The following NFATC2 variants were observed in gnomAD, a reference collection of about 807,000 sequenced individuals.
NFATC2 encodes nuclear factor of activated T cells 2.
NFATC2 carries 22 observed loss-of-function variants against 87.3 expected under a neutral mutation model. That is an observed-to-expected ratio of 0.25 (90% CI 0.18 to 0.36). NFATC2 has a LOEUF of 0.36. Ranked by LOEUF, NFATC2 falls within the 10% of genes least tolerant of loss-of-function variation. The probability of loss-of-function intolerance (pLI) is 1.00; values close to 1 mark genes in which losing one functional copy is unlikely to be tolerated. For missense variants in NFATC2, 1,149 were observed against 1,259.1 expected (o/e 0.91, Z 1.32); for synonymous variants, 565 against 542.2 (o/e 1.04, Z -0.58).
chr20:51,539,535 G>A (rs568290377), intron 1 of NFATC2, among the ~76,000 whole-genome samples: 38 of 152,330 alleles, frequency 2.5e-4, no homozygotes, highest in African/African-American at 8.4e-4. Flanking sequence ...ATGGGCTGGA[G>A]TGCAGTGGCA....
At chr20:51,532,485 G>A (rs974868356) in intron 1 of NFATC2, among the ~76,000 whole-genome samples, 5 of 152,118 alleles carry the variant, frequency 3.3e-5, no homozygotes, top group Admixed American at 6.5e-5. Flanking sequence ...GACAACTGAA[G>A]ACACAGATTC....
intron 2 of NFATC2, among the ~76,000 whole-genome samples, chr20:51,518,131 G>T (rs954810309): frequency 1.3e-5 from 2 of 152,148 alleles, no homozygotes; most frequent in African/African-American, 4.8e-5. Flanking sequence ...AAGACAGTGT[G>T]AGCAACTTCT....
chr20:51,487,408 T>G (rs1163528981), intron 3 of NFATC2, among the ~76,000 whole-genome samples: 2 of 152,204 alleles, frequency 1.3e-5, no homozygotes, highest in Non-Finnish European at 2.9e-5. Flanking sequence ...GGTGATGGGT[T>G]GACAGGTGCA....
chr20:51,512,070 C>T (rs191740803), intron 3 of NFATC2, among the ~76,000 whole-genome samples: 1 of 152,232 alleles, frequency 6.6e-6, no homozygotes, highest in East Asian at 1.9e-4. Flanking sequence ...GAACACTCTC[C>T]CCCGACTAAG....
At chr20:51,436,715 AAAACAAAC>A (rs146601129) in intron 6 of NFATC2, among the ~76,000 whole-genome samples, 65,645 of 120,992 alleles carry the variant, frequency 0.54, 15,730 homozygotes, top group Non-Finnish European at 0.62. Flanking sequence ...ACTTTGTCTC[AAAACAAAC>A]AAACAAACAA....
chr20:51,407,768 C>T (rs1049902368), intron 9 of NFATC2, among the ~76,000 whole-genome samples: 5 of 152,244 alleles, frequency 3.3e-5, no homozygotes, highest in South Asian at 2.1e-4. Flanking sequence ...GGGGTCAGGA[C>T]GAGAACCGTG....
chr20:51,481,541 G>A (rs538207890), intron 3 of NFATC2, among the ~76,000 whole-genome samples: 4 of 152,276 alleles, frequency 2.6e-5, no homozygotes, highest in African/African-American at 9.6e-5. Context: ...AGTTGAAAAG[G>A]TTCCAGGAAG....
chr20:51,428,190 C>T (rs1600710600), intron 9 of NFATC2, among the ~76,000 whole-genome samples: 1 of 152,138 alleles, frequency 6.6e-6, no homozygotes, highest in East Asian at 1.9e-4. Context: ...GTCCCAGAAG[C>T]AGCTACTGCT....
intron 5 of NFATC2, among the ~76,000 whole-genome samples, chr20:51,462,320 C>T (rs1569010449): frequency 1.3e-5 from 2 of 151,454 alleles, no homozygotes; most frequent in South Asian, 4.2e-4. Flanking sequence ...ATGGCACGCA[C>T]CTGTAATCCC....
At chr20:51,425,428 C>T (rs1364936593) in intron 9 of NFATC2, among the ~76,000 whole-genome samples, 1 of 152,196 alleles carries the variant, frequency 6.6e-6, no homozygotes, top group Non-Finnish European at 1.5e-5. Context: ...TCTCCAGGTG[C>T]CCACAGCCTC....
At position 51,448,172 on chromosome 20, in the gene NFATC2, G is replaced by A. The variant is rs75106510; in HGVS notation, c.1849+6376C>T. Among the ~76,000 whole-genome samples, 1,243 of 152,308 alleles carry A rather than the reference G, an allele frequency of 8.2e-3. 21 individuals are homozygous for A. The highest frequency in any genetic ancestry group is 0.028 in the African/African-American group (1,178 of 41,568). ...GATAAATGAACAGACAGACAAGGTA[G>A]GTGATTTCAACAGCGCTAAGTGCCC... On this transcript the variant is annotated intron_variant, in intron 6 of 10. Coordinates refer to ENST00000371564, the MANE Select transcript of NFATC2 (RefSeq NM_012340.5).
At chr20:51,549,294 T>C (rs929454506) in intron 1 of NFATC2, among the ~76,000 whole-genome samples, 2 of 151,954 alleles carry the variant, frequency 1.3e-5, no homozygotes, top group Non-Finnish European at 2.9e-5. Context: ...TTGTTTGAGA[T>C]GGAGTTTTGC....
intron 9 of NFATC2, among the ~76,000 whole-genome samples, chr20:51,403,625 A>G (rs1430402797): frequency 6.6e-6 from 1 of 152,150 alleles, no homozygotes; most frequent in African/African-American, 2.4e-5. Flanking sequence ...TGCAGTCATG[A>G]AGGTGGGGCC....
At chr20:51,542,205 C>A (rs1163114999) in intron 1 of NFATC2, among the ~76,000 whole-genome samples, 165 bp downstream of exon 1, 1 of 152,138 alleles carries the variant, frequency 6.6e-6, no homozygotes, top group Non-Finnish European at 1.5e-5. Context: ...CTAAGGGTGG[C>A]AGGGGCCACT....
intron 2 of NFATC2, among the ~76,000 whole-genome samples, chr20:51,522,263 G>T (rs1428419276): frequency 7.2e-6 from 1 of 138,584 alleles, no homozygotes; most frequent in Non-Finnish European, 1.6e-5. Flanking sequence ...GACCACAAAG[G>T]TGCTCAGTAC....
At chr20:51,479,812 G>A (rs1641373867) in intron 3 of NFATC2, among the ~76,000 whole-genome samples, 1 of 152,170 alleles carries the variant, frequency 6.6e-6, no homozygotes, top group African/African-American at 2.4e-5. Flanking sequence ...AACACAGTGA[G>A]CATAGGGCAG....
intron 10 of NFATC2, 63 bp downstream of exon 10, chr20:51,398,570 TAAAAAAAAAA>T (rs11086333): frequency 1.5e-5 from 13 of 854,760 alleles, no homozygotes; most frequent in Admixed American, 3.2e-5. Context: ...ATACTTTACT[TAAAAAAAAAA>T]AAATTCAAGT....
At chr20:51,394,934 T>C (rs1399112281) in intron 10 of NFATC2, among the ~76,000 whole-genome samples, 3 of 152,158 alleles carry the variant, frequency 2.0e-5, no homozygotes, top group African/African-American at 7.2e-5. Flanking sequence ...AGTACTAAAT[T>C]TCCAAGTAGC....
intron 6 of NFATC2, among the ~76,000 whole-genome samples, chr20:51,448,296 G>T (rs1985325527): frequency 6.6e-6 from 1 of 152,218 alleles, no homozygotes; most frequent in African/African-American, 2.4e-5. Context: ...CGTGGAGGAA[G>T]TGACCTTTGA....
Sources: allele counts gnomAD v4.1 joint callset (sites outside exome capture counted in the v4.1 genomes callset), GRCh38; gene constraint gnomAD v4.1.1; transcripts MANE v1.5; gene names NCBI Gene and HGNC (gene_info 2026-07-23, HGNC 2026-07-21).